The following DPYS variants were observed in gnomAD, a reference collection of about 807,000 sequenced individuals.
DPYS encodes the protein dihydropyrimidinase, also known as dihydropyrimidine amidohydrolase.
Under a neutral mutation model 50.3 loss-of-function variants are expected in DPYS, and 39 were observed. The ratio of observed to expected loss-of-function variants is 0.78; its 90% CI spans 0.60 to 1.01. The LOEUF is 1.01. Ranked by LOEUF, DPYS falls within the 50% of genes least tolerant of loss-of-function variation. The probability of loss-of-function intolerance (pLI) is 0.00; values close to 1 mark genes in which losing one functional copy is unlikely to be tolerated. For synonymous variants in DPYS, 245 were observed against 250.7 expected (o/e 0.98, Z 0.22); for missense variants, 659 against 680.9 (o/e 0.97, Z 0.36).
At chr8:104,391,654 T>C (rs67524593) in intron 8 of DPYS, among the ~76,000 whole-genome samples, 1 of 152,082 alleles carries the variant, frequency 6.6e-6, no homozygotes, top group Admixed American at 6.6e-5. Flanking sequence ...ATAACAGGGG[T>C]CTTTGATAGA....
At chr8:104,403,067 C>A (rs1811874815) in intron 7 of DPYS, among the ~76,000 whole-genome samples, 1 of 152,150 alleles carries the variant, frequency 6.6e-6, no homozygotes, top group African/African-American at 2.4e-5. Flanking sequence ...TCTGTTTTCA[C>A]TCTATTAAAT....
At chr8:104,455,494 T>C (rs564493860) in intron 1 of DPYS, among the ~76,000 whole-genome samples, 1 of 152,310 alleles carries the variant, frequency 6.6e-6, no homozygotes, top group East Asian at 1.9e-4. Flanking sequence ...AGGAGCATGA[T>C]CTGCACTTAG....
rs369789143 is a variant in DPYS at position 104,447,274 on chromosome 8, T to C, written c.603+50A>G. On this transcript the variant is annotated intron_variant, in intron 3 of 9. Transcript: ENST00000351513. ...TGTAGGCCCAATCATCTTCACCTTATGTTATGGCTGCTGTCATTTCTGTAG... is the reference window on the plus strand; with the variant it reads ...TGTAGGCCCAATCATCTTCACCTTACGTTATGGCTGCTGTCATTTCTGTAG... 1.3e-5 allele frequency: 21 copies of C among 1,605,960 alleles called. 1 individual carries two copies. Among genetic ancestry groups the C allele is most frequent in the African/African-American group, 5.3e-5 (4 of 74,886 alleles).
chr8:104,428,830 CTCT>C (rs1442480652), intron 5 of DPYS, among the ~76,000 whole-genome samples: 1 of 78,522 alleles, frequency 1.3e-5, no homozygotes, highest in African/African-American at 4.9e-5. Context: ...ATTTTCTTTT[CTCT>C]TTTCTTTTTT....
At chr8:104,397,593 G>A (rs1811637033) in intron 7 of DPYS, among the ~76,000 whole-genome samples, 3 of 152,034 alleles carry the variant, frequency 2.0e-5, no homozygotes, top group Non-Finnish European at 4.4e-5. Context: ...AAGTAAAATT[G>A]TTATAACTAT....
At chr8:104,439,158 G>C (rs1454208321) in intron 4 of DPYS, among the ~76,000 whole-genome samples, 3 of 151,982 alleles carry the variant, frequency 2.0e-5, no homozygotes, top group Non-Finnish European at 4.4e-5. Flanking sequence ...ACAAAACTCA[G>C]GACGTGAGAA....
intron 8 of DPYS, among the ~76,000 whole-genome samples, chr8:104,385,912 AATGTCT>A (rs1352751529): frequency 4.6e-5 from 7 of 152,312 alleles, no homozygotes; most frequent in Non-Finnish European, 8.8e-5. Flanking sequence ...TCAGCCAATA[AATGTCT>A]GTTCATTATA....
In DPYS at chr8:104,419,824, C is replaced by T. The variant is rs557945290; in HGVS notation, c.1235+4423G>A. On this transcript the variant is annotated intron_variant, in intron 7 of 9. Coordinates refer to ENST00000351513, the MANE Select transcript of DPYS (RefSeq NM_001385.3). ...GACCACTAAATGTAATATTAAATCCCGGAAGGGAAAAAACAGGCAAAAACT... is the reference window on the plus strand; with the variant it reads ...GACCACTAAATGTAATATTAAATCCTGGAAGGGAAAAAACAGGCAAAAACT... 11 of 152,064 alleles carry T rather than the reference C, an allele frequency of 7.2e-5. No homozygotes were observed. In the East Asian group the frequency reaches 1.9e-3, roughly 27 times the overall value. The allele number at this position is 152,064 out of a possible 1,614,324, so 9.4% of individuals were successfully genotyped here. A position where few individuals can be genotyped will look rare whatever the true frequency, so the allele number is the denominator to read the frequency against.
rs1032245193 is a variant in DPYS at position 104,444,046 on chromosome 8, G to A, written c.793+202C>T. Among the ~76,000 whole-genome samples the A allele has an allele frequency of 1.8e-4, 27 of 152,266 alleles. No homozygotes were observed. In the East Asian group the frequency reaches 4.6e-3, roughly 26 times the overall value. On this transcript the variant is annotated intron_variant, in intron 4 of 9. Transcript: ENST00000351513. ...ATAACAAATAAAACATGAAGGTAGAGAGGCAAGGATGAAGATGAACAAAAG... is the reference window on the plus strand; with the variant it reads ...ATAACAAATAAAACATGAAGGTAGAAAGGCAAGGATGAAGATGAACAAAAG...
rs1205182984 is a variant in DPYS, at chr8:104,427,195, C to T, written c.1092+785G>A. Among the ~76,000 whole-genome samples the T allele has an allele frequency of 4.5e-5, 6 of 133,758 alleles. No homozygotes were observed. In the East Asian group the frequency reaches 6.5e-4, roughly 14 times the overall value. 87.8% of individuals were successfully genotyped at this position (133,758 alleles called of 152,430 possible). A position where few individuals can be genotyped will look rare whatever the true frequency, so the allele number is the denominator to read the frequency against. ...CAGTCCGGGCAACAGAGTGAGACTC[C>T]GTCTCAAAAAAAAAAAAAAAAAAAG... On this transcript the variant is annotated intron_variant, in intron 6 of 9. Coordinates refer to ENST00000351513, the MANE Select transcript of DPYS (RefSeq NM_001385.3).
intron 8 of DPYS, among the ~76,000 whole-genome samples, chr8:104,388,356 T>C (rs1811277918): frequency 6.6e-6 from 1 of 152,184 alleles, no homozygotes; most frequent in African/African-American, 2.4e-5. Context: ...CCAGAAAAGG[T>C]TGGGGTTCCC....
intron 7 of DPYS, among the ~76,000 whole-genome samples, chr8:104,403,857 A>G (rs928310298): frequency 2.6e-5 from 4 of 152,208 alleles, no homozygotes; most frequent in African/African-American, 9.7e-5. Flanking sequence ...AAATGGGCTG[A>G]AGCACTCCTT....
chr8:104,426,481 A>C (rs1812725054), intron 6 of DPYS, among the ~76,000 whole-genome samples: 1 of 152,234 alleles, frequency 6.6e-6, no homozygotes, highest in African/African-American at 2.4e-5. Context: ...CTCCAACTAG[A>C]ATGGTAGCAA....
chr8:104,392,550 A>T (rs1323406139), intron 8 of DPYS, among the ~76,000 whole-genome samples: 1 of 152,228 alleles, frequency 6.6e-6, no homozygotes, highest in South Asian at 2.1e-4. Flanking sequence ...ATTACCCCAC[A>T]ATCTGGAAAT....
intron 7 of DPYS, among the ~76,000 whole-genome samples, chr8:104,417,222 T>G (rs1812398258): frequency 6.6e-6 from 1 of 152,238 alleles, no homozygotes. Context: ...GTTTGTGTGC[T>G]TGAGATTCTG....
At chr8:104,381,112 A>G (rs968808493) in intron 9 of DPYS, 72 bp downstream of exon 9, 2 of 1,289,124 alleles carry the variant, frequency 1.6e-6, no homozygotes, top group Admixed American at 3.4e-5. Context: ...GATCTCTTCA[A>G]CCCTTATGAG....
chr8:104,417,878 C>T (rs1812418727), intron 7 of DPYS, among the ~76,000 whole-genome samples: 2 of 152,182 alleles, frequency 1.3e-5, no homozygotes, highest in African/African-American at 4.8e-5. Flanking sequence ...CCATCCATCA[C>T]CATATGTCAA....
At chr8:104,463,577 TAGGC>T (rs931006215) in intron 1 of DPYS, among the ~76,000 whole-genome samples, 3 of 152,198 alleles carry the variant, frequency 2.0e-5, no homozygotes, top group African/African-American at 7.2e-5. Context: ...TGTACAACCT[TAGGC>T]AGGTAGCTTA....
chr8:104,424,189 T>G, intron 7 of DPYS, 58 bp downstream of exon 7: 1 of 1,613,312 alleles, frequency 6.2e-7, no homozygotes, highest in Non-Finnish European at 8.5e-7. Flanking sequence ...ATTATTTCTG[T>G]GCAAGTTAGT....
Sources: gnomAD v4.1 joint callset for allele counts (sites outside exome capture counted in the v4.1 genomes callset) on GRCh38, gnomAD v4.1.1 for gene constraint, MANE v1.5 for transcripts, NCBI Gene and HGNC (gene_info 2026-07-23, HGNC 2026-07-21) for gene names.